Variants in IL1R1 observed in about 807,000 individuals in gnomAD.
IL1R1 encodes the protein interleukin-1 receptor type 1.
In IL1R1, 22 loss-of-function variants were observed where a neutral mutation model predicts 50.2. The observed-to-expected ratio is 0.44, with a 90% CI of 0.31 to 0.63. The LOEUF (loss-of-function observed/expected upper bound fraction) is 0.63, where lower values mean the gene tolerates loss of function less well. Among genes scored for constraint, IL1R1 ranks in the 20% least tolerant of loss-of-function variants. The pLI is 0.07. For synonymous variants in IL1R1, 251 were observed against 236.7 expected (o/e 1.06, Z -0.55); for missense variants, 509 against 676.2 (o/e 0.75, Z 2.74).
intron 1 of IL1R1, among the ~76,000 whole-genome samples, chr2:102,090,811 G>A (rs909382153): frequency 6.6e-6 from 1 of 151,740 alleles, no homozygotes; most frequent in Non-Finnish European, 1.5e-5. Context: ...TCCATATTCT[G>A]CTTTTTTCTC....
chr2:102,144,394 C>T (rs1285507903), intron 1 of IL1R1, among the ~76,000 whole-genome samples: 2 of 152,142 alleles, frequency 1.3e-5, no homozygotes, highest in Non-Finnish European at 2.9e-5. Context: ...TCTCACATGA[C>T]CTTGGCAGGC....
At chr2:102,156,049 A>T (rs934542149) in intron 2 of IL1R1, 1 of 152,170 alleles carries the variant, frequency 6.6e-6, no homozygotes, top group Non-Finnish European at 1.5e-5. Flanking sequence ...CAATGCCCTT[A>T]TTTTGTTGTT....
chr2:102,123,030 A>G (rs1432295078), intron 1 of IL1R1, among the ~76,000 whole-genome samples: 4 of 152,236 alleles, frequency 2.6e-5, no homozygotes, highest in Non-Finnish European at 5.9e-5. Flanking sequence ...TTACTTTAGT[A>G]AGAAATATAG....
Position 102,177,698 on chromosome 2 carries a change from A to G in IL1R1, c.*939A>G, listed in dbSNP as rs945865789. 1.3e-5 allele frequency: 2 copies of G among 152,378 alleles called. No homozygotes were observed. Among genetic ancestry groups the G allele is most frequent in the African/African-American group, 4.8e-5 (2 of 41,456 alleles). The allele number at this position is 152,378 out of a possible 1,614,324, so 9.4% of individuals were successfully genotyped here. A position where few individuals can be genotyped will look rare whatever the true frequency, so the allele number is the denominator to read the frequency against. On this transcript the variant is annotated 3_prime_UTR_variant, in exon 12 of 12. Coordinates refer to ENST00000410023, the MANE Select transcript of IL1R1 (RefSeq NM_000877.4). The stretch of plus-strand genomic sequence containing the variant: ...TCCACAGGAGGGAGAGAACTTAAAA[A>G]AGCAACAGTAGCAGGGAATTGATCC...
chr2:102,114,589 T>C (rs1559469733), intron 1 of IL1R1, among the ~76,000 whole-genome samples: 2 of 152,056 alleles, frequency 1.3e-5, no homozygotes, highest in African/African-American at 4.8e-5. Context: ...GAAGGGGAGG[T>C]TACATTTTTG....
chr2:102,131,400 A>C (rs924834866), intron 1 of IL1R1, among the ~76,000 whole-genome samples: 14 of 152,228 alleles, frequency 9.2e-5, no homozygotes, highest in African/African-American at 3.4e-4. Context: ...AAATGAGTCA[A>C]AACCAACCAA....
At chr2:102,166,309 T>C in intron 6 of IL1R1, 28 bp downstream of exon 6, 1 of 1,570,100 alleles carries the variant, frequency 6.4e-7, no homozygotes, top group East Asian at 2.3e-5. Flanking sequence ...CCCTAAAAGG[T>C]TTAGATCTGG....
chr2:102,174,438 GATA>G (rs1178001117), intron 9 of IL1R1, 146 bp from the exon 10 acceptor site: 14 of 563,886 alleles, frequency 2.5e-5, no homozygotes, highest in Non-Finnish European at 3.7e-5. Flanking sequence ...ATTACAAAGT[GATA>G]ATAATGAATG....
upstream of IL1R1, among the ~76,000 whole-genome samples, chr2:102,140,192 T>C (rs946642374): frequency 3.3e-5 from 5 of 152,188 alleles, no homozygotes; most frequent in African/African-American, 1.2e-4. Context: ...AAACATAAAA[T>C]ACTTCTTCTT....
intron 3 of IL1R1, among the ~76,000 whole-genome samples, chr2:102,160,485 C>T (rs1353393674): frequency 6.6e-6 from 1 of 151,994 alleles, no homozygotes; most frequent in East Asian, 1.9e-4. Context: ...GAAGATGTTT[C>T]ATATCTAGGG....
intron 1 of IL1R1, among the ~76,000 whole-genome samples, chr2:102,088,969 G>T (rs1053689441): frequency 2.6e-5 from 4 of 152,196 alleles, no homozygotes; most frequent in African/African-American, 9.7e-5. Flanking sequence ...CTCTGTGTTA[G>T]GCTTTGGATT....
intron 1 of IL1R1, among the ~76,000 whole-genome samples, chr2:102,129,288 CAACAACAAA>C (rs1044500663): frequency 1.3e-5 from 2 of 151,826 alleles, no homozygotes; most frequent in East Asian, 1.9e-4. Context: ...ACAACAACAA[CAACAACAAA>C]ACCAAAACAA....
rs201495812 is a variant in IL1R1 at position 102,172,805 on chromosome 2, A to G, written c.958A>G (p.Ile320Val). Residue 320 changes from isoleucine to valine, a missense_variant, in exon 9 of 12, where the codon ATA (isoleucine) becomes GTA (valine). Transcript: ENST00000410023. ...FTCFAKNTHG[I>V]DAAYIQLIYP... is the part of the protein sequence containing the mutation. ...CTGTTTTGCCAAGAATACACATGGT[A>G]TAGATGCAGCATATATCCAGTTAAT... 94 of 1,610,548 alleles carry G rather than the reference A, an allele frequency of 5.8e-5. No homozygotes were observed. Among genetic ancestry groups the G allele is most frequent in the Non-Finnish European group, 7.6e-5 (90 of 1,177,532 alleles).
Position 102,075,831 on chromosome 2 carries a change from A to C in IL1R1, c.-84+5298A>C, listed in dbSNP as rs145286262. On this transcript the variant is annotated intron_variant, in intron 1 of 11. Transcript: ENST00000409929. ...AGGAGCCATTTAAATTTCTAGCAGCAAATGGGTGGCACAATTGGCTTTAAG... is the reference window on the plus strand; with the variant it reads ...AGGAGCCATTTAAATTTCTAGCAGCCAATGGGTGGCACAATTGGCTTTAAG... Among the ~76,000 whole-genome samples the C allele has an allele frequency of 0.012, 1,833 of 152,358 alleles. 56 individuals carry two copies. The South Asian group carries it at 0.13, about 11-fold the overall frequency.
chr2:102,110,530 G>GT (rs1680697981), intron 1 of IL1R1, among the ~76,000 whole-genome samples: 1 of 147,722 alleles, frequency 6.8e-6, no homozygotes, highest in Admixed American at 7.0e-5. Flanking sequence ...TAACAAGCTG[G>GT]TTTTTATTAG....
rs1310845856 is a variant in IL1R1 at position 102,176,115 on chromosome 2, A to G, written c.1304-238A>G. Reference sequence around the variant, plus strand: ...GGTGAGAGGGTCACTTGAGCCTAGGAGTTTGAGGCTGCAGTGATCCAAGAT... The same window carrying G: ...GGTGAGAGGGTCACTTGAGCCTAGGGGTTTGAGGCTGCAGTGATCCAAGAT... On this transcript the variant is annotated intron_variant, in intron 11 of 11. Transcript: ENST00000410023. 7 of 484,644 alleles carry G rather than the reference A, an allele frequency of 1.4e-5. No individual in the cohort carries two copies. In the East Asian group the frequency reaches 2.2e-4, roughly 15 times the overall value. The allele number at this position is 484,644 out of a possible 1,614,324, so 30.0% of individuals were successfully genotyped here. A position where few individuals can be genotyped will look rare whatever the true frequency, so the allele number is the denominator to read the frequency against.
At chr2:102,088,431 TC>T (rs1268681102) in intron 1 of IL1R1, among the ~76,000 whole-genome samples, 2 of 151,996 alleles carry the variant, frequency 1.3e-5, no homozygotes, top group Non-Finnish European at 2.9e-5. Context: ...TTTTTTTTTT[TC>T]CCCTGAGAAC....
rs1028891876 is a variant in IL1R1, at chr2:102,148,924, A to G, written c.-83-5017A>G. On this transcript the variant is annotated intron_variant, in intron 1 of 11. Transcript: ENST00000410023. ...CACACCACTGCACTGCAGTCTGGGT[A>G]ACAGAGCAAGACTCTGTCTCAAAAC... Among the ~76,000 whole-genome samples the G allele has an allele frequency of 2.0e-5, 3 of 151,958 alleles. No homozygotes were observed. In the South Asian group the frequency reaches 6.2e-4, roughly 31 times the overall value.
chr2:102,125,286 C>T (rs1861281), intron 1 of IL1R1, among the ~76,000 whole-genome samples: 2 of 152,208 alleles, frequency 1.3e-5, no homozygotes, highest in Admixed American at 6.5e-5. Context: ...ATTCTTGTCT[C>T]AACAACAAAC....
Sources: allele counts gnomAD v4.1 joint callset (sites outside exome capture counted in the v4.1 genomes callset), GRCh38; gene constraint gnomAD v4.1.1; transcripts MANE v1.5; gene names NCBI Gene and HGNC (gene_info 2026-07-23, HGNC 2026-07-21).